The following SLC67A1 variants were observed in gnomAD, a reference collection of about 807,000 sequenced individuals.
SLC67A1 encodes the protein solute carrier family 67 member A1.
the SLC67A1 span, chr11:2,914,717 G>A: frequency 9.1e-6 from 9 of 985,328 alleles, no homozygotes; most frequent in East Asian, 1.1e-4. Context: ...AATAGCCATC[G>A]AAGTGGTGCG....
At chr11:2,914,446 A>C in the SLC67A1 span, among the ~76,000 whole-genome samples, 1 of 151,270 alleles carries the variant, frequency 6.6e-6, no homozygotes, top group Non-Finnish European at 1.5e-5. Context: ...TTTCCTTCCC[A>C]CTCCCGTTTC....
the SLC67A1 span, chr11:2,909,285 G>T: frequency 6.5e-7 from 1 of 1,534,250 alleles, no homozygotes. Flanking sequence ...GCCGCCTCCA[G>T]CCCGGCCCTG....
chr11:2,903,957 C>G, the SLC67A1 span, among the ~76,000 whole-genome samples: 6 of 152,182 alleles, frequency 3.9e-5, no homozygotes, highest in African/African-American at 1.4e-4. Context: ...TGATCTGTGG[C>G]GGCAAATTGA....
chr11:2,899,816 C>G, the SLC67A1 span: 4 of 1,169,930 alleles, frequency 3.4e-6, no homozygotes, highest in South Asian at 5.0e-5. Context: ...GGTAAGTTTC[C>G]AGCATCTCCA....
At chr11:2,917,325 G>C in the SLC67A1 span, among the ~76,000 whole-genome samples, 2 of 152,250 alleles carry the variant, frequency 1.3e-5, no homozygotes, top group Non-Finnish European at 2.9e-5. Context: ...GCCTGGGCCA[G>C]AGGGACCCAC....
the SLC67A1 span, among the ~76,000 whole-genome samples, chr11:2,910,085 G>A: frequency 1.3e-5 from 2 of 152,180 alleles, no homozygotes; most frequent in African/African-American, 4.8e-5. Flanking sequence ...CTGAGCTGTT[G>A]GACGGTGCCC....
At chr11:2,910,068 A>G in the SLC67A1 span, among the ~76,000 whole-genome samples, 1 of 152,120 alleles carries the variant, frequency 6.6e-6, no homozygotes, top group Non-Finnish European at 1.5e-5. Context: ...ATGCTGTGGC[A>G]GCGGGGCTGA....
At chr11:2,921,373 C>T in the SLC67A1 span, 1 of 152,304 alleles carries the variant, frequency 6.6e-6, no homozygotes, top group African/African-American at 2.4e-5. Context: ...GGTGACTGGT[C>T]CCCTGCAGAG....
the SLC67A1 span, chr11:2,920,916 C>G: frequency 6.6e-6 from 1 of 152,190 alleles, no homozygotes; most frequent in South Asian, 2.1e-4. Context: ...AGCTTGCCAG[C>G]TCTTCCTTTA....
the SLC67A1 span, chr11:2,915,280 C>CGTGTGT: frequency 2.5e-3 from 2,284 of 927,982 alleles, 16 homozygotes; most frequent in African/African-American, 0.031. Context: ...CAAGTTTGCC[C>CGTGTGT]GTGTGTGTGT....
At chr11:2,906,844 C>A in the SLC67A1 span, among the ~76,000 whole-genome samples, 2 of 150,760 alleles carry the variant, frequency 1.3e-5, no homozygotes, top group South Asian at 4.2e-4. Context: ...TGTACATGTA[C>A]CCTAGAACTT....
At chr11:2,918,166 C>G in the SLC67A1 span, 1 of 1,159,130 alleles carries the variant, frequency 8.6e-7, no homozygotes, top group Non-Finnish European at 1.3e-6. Flanking sequence ...GGGCCCGGCC[C>G]TTCCTCTGGC....
At chr11:2,916,547 G>A in the SLC67A1 span, 4 of 1,071,876 alleles carry the variant, frequency 3.7e-6, no homozygotes, top group Non-Finnish European at 5.6e-6. Context: ...AACCAAAGGT[G>A]CAGGTTGGGG....
At chr11:2,905,695 G>A in the SLC67A1 span, among the ~76,000 whole-genome samples, 2 of 152,202 alleles carry the variant, frequency 1.3e-5, no homozygotes, top group African/African-American at 2.4e-5. Context: ...GGCTGGGAGA[G>A]AAGGAAAGAG....
At chr11:2,924,858 C>A in the SLC67A1 span, 1 of 646,168 alleles carries the variant, frequency 1.5e-6, no homozygotes, top group South Asian at 2.0e-5. This position sits in a 1 kb window ranked among gnomAD's most constrained non-coding sequence, Gnocchi z 8.6. Flanking sequence ...GATGGGTGTT[C>A]AGGGGAGTAT....
the SLC67A1 span, among the ~76,000 whole-genome samples, chr11:2,912,359 C>T: frequency 6.6e-6 from 1 of 152,010 alleles, no homozygotes; most frequent in South Asian, 2.1e-4. Flanking sequence ...GGCCAGCCCC[C>T]TGGCCCTCTT....
the SLC67A1 span, among the ~76,000 whole-genome samples, chr11:2,911,676 C>A: frequency 6.6e-6 from 1 of 152,160 alleles, no homozygotes; most frequent in Non-Finnish European, 1.5e-5. Flanking sequence ...TGGGCCCTCC[C>A]CTGCCCTTAC....
At chr11:2,900,350 A>AT in the SLC67A1 span, among the ~76,000 whole-genome samples, 1 of 152,042 alleles carries the variant, frequency 6.6e-6, no homozygotes, top group South Asian at 2.1e-4. Context: ...TGGTCCCCAA[A>AT]TTGATTGACG....
chr11:2,904,510 A>T, the SLC67A1 span, among the ~76,000 whole-genome samples: 1 of 152,254 alleles, frequency 6.6e-6, no homozygotes, highest in Admixed American at 6.5e-5. Flanking sequence ...AAAATGGGTA[A>T]TAACAGTCCC....
Sources: gnomAD v4.1 joint callset for allele counts (sites outside exome capture counted in the v4.1 genomes callset) on GRCh38, gnomAD v4.1.1 for gene constraint, Gnocchi (gnomAD v3.1) non-coding constraint, MANE v1.5 for transcripts, NCBI Gene and HGNC (gene_info 2026-07-23, HGNC 2026-07-21) for gene names.